Variants in CLASP1 observed in about 807,000 individuals in gnomAD.
CLASP1 encodes cytoplasmic linker associated protein 1, also known as CLIP-associating protein 1.
CLASP1 carries 38 observed loss-of-function variants against 192.3 expected under a neutral mutation model. That is an observed-to-expected ratio of 0.20 (90% CI 0.15 to 0.26). The LOEUF is 0.26. Ranked by LOEUF, CLASP1 falls within the 10% of genes least tolerant of loss-of-function variation. The pLI is 1.00. For synonymous variants in CLASP1, 691 were observed against 712.8 expected, an observed-to-expected ratio of 0.97 and a Z score of 0.49; for missense variants, 1,433 against 1,932.5, an observed-to-expected ratio of 0.74 and a Z score of 4.85.
intron 23 of CLASP1, 130 bp from the exon 25 acceptor site, chr2:121,411,099 C>G: frequency 1.6e-6 from 1 of 607,194 alleles, no homozygotes; most frequent in Non-Finnish European, 2.9e-6. Flanking sequence ...TTTAACTACA[C>G]TTGACTTGTT....
chr2:121,448,184 C>G lies in CLASP1; in HGVS notation c.1741+92G>C. On this transcript the variant is annotated intron_variant, in intron 18 of 39. Transcript: ENST00000263710. Reference sequence around the variant, plus strand: ...GCCTAAGAAGGAACTGAGGGCAGGCCGTTGGCCTCCTGTGCCTGGGCAGCC... The same window carrying G: ...GCCTAAGAAGGAACTGAGGGCAGGCGGTTGGCCTCCTGTGCCTGGGCAGCC... The G allele has an allele frequency of 3.8e-6, 4 of 1,061,646 alleles. No homozygotes were observed. The South Asian group carries it at 3.8e-5, about 10-fold the overall frequency. 65.8% of individuals were successfully genotyped at this position (1,061,646 alleles called of 1,614,324 possible). A position where few individuals can be genotyped will look rare whatever the true frequency, so the allele number is the denominator to read the frequency against.
chr2:121,516,146 A>G (rs1440877867), intron 6 of CLASP1, among the ~76,000 whole-genome samples: 1 of 152,244 alleles, frequency 6.6e-6, no homozygotes, highest in Non-Finnish European at 1.5e-5. Flanking sequence ...GATTTAAGTC[A>G]ATTAAACAAA....
Position 121,423,978 on chromosome 2 carries a change from T to C in CLASP1, c.2212+1161A>G, listed in dbSNP as rs569291028. ...TCTGACTTCCTTTACAGCAGCCAAA[T>C]GAATTACATGTGGCTGCCTCTTGCC... On this transcript the variant is annotated intron_variant, in intron 22 of 39. Coordinates refer to ENST00000263710, the Ensembl canonical transcript of CLASP1. 1.6e-4 allele frequency among the ~76,000 whole-genome samples: 25 copies of C among 152,284 alleles called. No individual in the cohort carries two copies. In the South Asian group the frequency reaches 5.0e-3, roughly 30 times the overall value.
At chr2:121,561,054 G>A (rs2059038120) in intron 2 of CLASP1, among the ~76,000 whole-genome samples, 1 of 152,162 alleles carries the variant, frequency 6.6e-6, no homozygotes, top group Non-Finnish European at 1.5e-5. Flanking sequence ...TTACAGGCAT[G>A]GGCCACCATG....
chr2:121,443,269 G>A (rs2083676140), intron 19 of CLASP1, among the ~76,000 whole-genome samples: 2 of 149,590 alleles, frequency 1.3e-5, no homozygotes, highest in Non-Finnish European at 3.0e-5. Flanking sequence ...TCAGGACTGT[G>A]GAACTGGTGG....
chr2:121,462,097 T>G (rs1016623603), intron 10 of CLASP1, among the ~76,000 whole-genome samples: 1 of 152,072 alleles, frequency 6.6e-6, no homozygotes, highest in African/African-American at 2.4e-5. Context: ...TTATAAATAA[T>G]CTTTGTTTCA....
chr2:121,488,518 T>G (rs1027141052), intron 8 of CLASP1, among the ~76,000 whole-genome samples: 16 of 152,206 alleles, frequency 1.1e-4, no homozygotes, highest in African/African-American at 3.9e-4. Flanking sequence ...CCTGACAAAA[T>G]GGCTTTCTGG....
chr2:121,642,401 T>TA (rs35181269), intron 1 of CLASP1, among the ~76,000 whole-genome samples: 14,915 of 107,426 alleles, frequency 0.14, 997 homozygotes, highest in African/African-American at 0.23. Flanking sequence ...ATCTTTTTGC[T>TA]AAAAAAAAAA....
At chr2:121,390,324 C>T (rs1005754126) in intron 30 of CLASP1, among the ~76,000 whole-genome samples, 3 of 152,164 alleles carry the variant, frequency 2.0e-5, no homozygotes, top group Admixed American at 6.5e-5. Flanking sequence ...CTGTTCTTGT[C>T]GGCATATGTG....
rs539102636 is a variant in CLASP1, at chr2:121,598,926, T to C, written c.195+6775A>G. ...TATTGCCCAGGCTAGAGTGCAGTGGTGCAACCTCAGCTCACTGCAAACTCT... is the reference window on the plus strand; with the variant it reads ...TATTGCCCAGGCTAGAGTGCAGTGGCGCAACCTCAGCTCACTGCAAACTCT... On this transcript the variant is annotated intron_variant, in intron 2 of 39. Transcript: ENST00000263710. Among the ~76,000 whole-genome samples, 312 of 152,280 alleles carry C rather than the reference T, an allele frequency of 2.0e-3. 1 individual carries two copies. Among genetic ancestry groups the C allele is most frequent in the African/African-American group, 6.0e-3 (249 of 41,546 alleles).
intron 16 of CLASP1, among the ~76,000 whole-genome samples, chr2:121,450,527 A>T (rs1371347808): frequency 1.3e-5 from 2 of 152,316 alleles, no homozygotes; most frequent in East Asian, 3.9e-4. Flanking sequence ...AGATGCTTGC[A>T]AAGAAGTGAC....
intron 39 of CLASP1, among the ~76,000 whole-genome samples, chr2:121,346,065 T>C (rs75499561): frequency 0.013 from 2,020 of 152,322 alleles, 42 homozygotes; most frequent in African/African-American, 0.045. Flanking sequence ...ACCAGCTGTA[T>C]CAAAGCAACA....
intron 3 of CLASP1, among the ~76,000 whole-genome samples, chr2:121,529,199 T>C (rs1453866282): frequency 1.3e-5 from 2 of 152,178 alleles, no homozygotes; most frequent in Non-Finnish European, 2.9e-5. Flanking sequence ...ATCACTATTG[T>C]GTATTTTTAG....
intron 30 of CLASP1, among the ~76,000 whole-genome samples, chr2:121,395,682 C>T (rs935614551): frequency 2.6e-5 from 4 of 152,154 alleles, no homozygotes; most frequent in African/African-American, 9.7e-5. Flanking sequence ...TTTCTATGAT[C>T]AATACAGAGT....
At chr2:121,409,700 C>A (rs2077420127) in intron 24 of CLASP1, among the ~76,000 whole-genome samples, 1 of 152,190 alleles carries the variant, frequency 6.6e-6, no homozygotes, top group Admixed American at 6.5e-5. Context: ...TTCCCAGGGT[C>A]TCTGAACAAA....
rs371485054 is a variant in CLASP1 at position 121,645,412 on chromosome 2, CAGAATGT to C, written c.-286+3953_-286+3959del. On this transcript the variant is annotated intron_variant, in intron 1 of 39. Transcript: ENST00000263710. The stretch of plus-strand genomic sequence containing the variant: ...ATGCCTGCAGTGTGACACTGATGAT[CAGAATGT>C]AGCAAACATAAGGAAGGATGCTGGA... Among the ~76,000 whole-genome samples, 10 of 152,338 alleles carry C rather than the reference CAGAATGT, an allele frequency of 6.6e-5. No individual in the cohort carries two copies. In the East Asian group the frequency reaches 1.5e-3, roughly 23 times the overall value.
At chr2:121,552,818 G>A (rs1049801028) in intron 2 of CLASP1, among the ~76,000 whole-genome samples, 5 of 152,158 alleles carry the variant, frequency 3.3e-5, no homozygotes, top group Admixed American at 6.5e-5. Flanking sequence ...ACTACCATTC[G>A]ACCTAGCAAT....
At chr2:121,472,757 A>G (rs189933386) in intron 8 of CLASP1, among the ~76,000 whole-genome samples, 14,203 of 151,870 alleles carry the variant, frequency 0.094, 928 homozygotes, top group Non-Finnish European at 0.13. Flanking sequence ...AAATTCTTAG[A>G]GTTTACACAA....
chr2:121,350,634 G>C (rs1197714822), intron 37 of CLASP1, among the ~76,000 whole-genome samples: 1 of 152,214 alleles, frequency 6.6e-6, no homozygotes, highest in Non-Finnish European at 1.5e-5. Flanking sequence ...CTGTGGAATG[G>C]TAAAGGGAAA....
Sources: gnomAD v4.1 joint callset for allele counts (sites outside exome capture counted in the v4.1 genomes callset) on GRCh38, gnomAD v4.1.1 for gene constraint, MANE v1.5 for transcripts, NCBI Gene and HGNC (gene_info 2026-07-23, HGNC 2026-07-21) for gene names.